TMEM116: variants seen among roughly 807,000 people sequenced by gnomAD.
TMEM116 encodes transmembrane protein 116.
Under a neutral mutation model 44.3 loss-of-function variants are expected in TMEM116, and 38 were observed. The observed-to-expected ratio is 0.86, with a 90% CI of 0.66 to 1.12. TMEM116 has a LOEUF of 1.12. Among genes scored for constraint, TMEM116 ranks in the 50% most tolerant of loss-of-function variants. The pLI is 0.00. For missense variants in TMEM116, 354 were observed against 401.7 expected (o/e 0.88, Z 1.01); for synonymous variants, 132 against 144.8 (o/e 0.91, Z 0.64).
chr12:112,008,332 T>C (rs1156381180), intron 1 of TMEM116, among the ~76,000 whole-genome samples: 1 of 151,998 alleles, frequency 6.6e-6, no homozygotes, highest in African/African-American at 2.4e-5. Flanking sequence ...AATACAAAAA[T>C]TAGCTGGGTA....
At chr12:112,009,830 AGTGACTCT>A (rs2077757164) in intron 1 of TMEM116, among the ~76,000 whole-genome samples, 1 of 151,368 alleles carries the variant, frequency 6.6e-6, no homozygotes, top group Non-Finnish European at 1.5e-5. Flanking sequence ...TGAGTGACCA[AGTGACTCT>A]GTCTCAAAAA....
At chr12:111,937,842 T>C (rs2072286181) in intron 6 of TMEM116, among the ~76,000 whole-genome samples, 1 of 152,202 alleles carries the variant, frequency 6.6e-6, no homozygotes, top group Non-Finnish European at 1.5e-5. Context: ...GATGATATCC[T>C]GAAGGCCATC....
intron 4 of TMEM116, among the ~76,000 whole-genome samples, chr12:111,984,405 G>A (rs866740788): frequency 2.6e-5 from 4 of 152,208 alleles, no homozygotes; most frequent in Middle Eastern, 6.8e-3. Context: ...GTAGGAGGAT[G>A]GTACCAGAAG....
At chr12:112,010,249 A>G (rs570553963) in intron 1 of TMEM116, among the ~76,000 whole-genome samples, 1 of 152,006 alleles carries the variant, frequency 6.6e-6, no homozygotes, top group African/African-American at 2.4e-5. Context: ...TTGTTTCACC[A>G]CCTCAGTTCA....
chr12:111,971,025 CAT>C (rs1488915559), intron 4 of TMEM116, among the ~76,000 whole-genome samples: 2 of 152,152 alleles, frequency 1.3e-5, no homozygotes, highest in African/African-American at 4.8e-5. Flanking sequence ...AGTGCAGTAA[CAT>C]GTTTAAAATA....
intron 8 of TMEM116, chr12:111,935,613 C>CAT (rs1555205750): frequency 2.5e-5 from 3 of 120,298 alleles, no homozygotes; most frequent in African/African-American, 1.0e-4. Flanking sequence ...TGAGCCATCT[C>CAT]GTGTGTGTGT....
At chr12:111,993,201 G>A (rs1211694213) in intron 3 of TMEM116, 1 of 365,816 alleles carries the variant, frequency 2.7e-6, no homozygotes, top group East Asian at 6.8e-5. Context: ...TGGCTCTCGT[G>A]GGGTCTTAGG....
At chr12:111,977,468 A>G (rs2075733592) in intron 4 of TMEM116, among the ~76,000 whole-genome samples, 1 of 152,216 alleles carries the variant, frequency 6.6e-6, no homozygotes, top group South Asian at 2.1e-4. Flanking sequence ...GTTTTATGTT[A>G]TGTGAATTTC....
chr12:112,005,108 A>G (rs2077508329), intron 2 of TMEM116, 149 bp downstream of exon 2: 1 of 520,000 alleles, frequency 1.9e-6, no homozygotes, highest in Non-Finnish European at 3.2e-6. Flanking sequence ...TTGTCACTTT[A>G]TTAGTAAGAA....
intron 4 of TMEM116, among the ~76,000 whole-genome samples, chr12:111,975,390 AAGCAGTCCTCC>A: frequency 6.6e-6 from 1 of 152,162 alleles, no homozygotes; most frequent in Non-Finnish European, 1.5e-5. Flanking sequence ...TCGTGGGCTC[AAGCAGTCCTCC>A]TGCCTCAGCC....
rs74654035 is a variant in TMEM116 at position 111,939,981 on chromosome 12, C to T, written c.316-1771G>A. Among the ~76,000 whole-genome samples, 193 of 144,166 alleles carry T rather than the reference C, an allele frequency of 1.3e-3. 2 individuals carry two copies. The East Asian group carries it at 0.021, about 16-fold the overall frequency. 94.6% of individuals were successfully genotyped at this position (144,166 alleles called of 152,430 possible). A position where few individuals can be genotyped will look rare whatever the true frequency, so the allele number is the denominator to read the frequency against. ...GACTAATAGGTAGTGGAGTTAATATCTTAGGCTATGGTTGGGCATGGTGGC... is the reference window on the plus strand; with the variant it reads ...GACTAATAGGTAGTGGAGTTAATATTTTAGGCTATGGTTGGGCATGGTGGC... On this transcript the variant is annotated intron_variant, in intron 5 of 10. Coordinates refer to ENST00000552374, the MANE Select transcript of TMEM116 (RefSeq NM_001193531.2).
chr12:112,011,040 G>T, intron 1 of TMEM116: 1 of 152,450 alleles, frequency 6.6e-6, no homozygotes. Context: ...TCTGAGATTG[G>T]AGCAGGCCCC....
intron 8 of TMEM116, chr12:111,935,692 C>T (rs2072098279): frequency 6.7e-6 from 1 of 149,322 alleles, no homozygotes; most frequent in African/African-American, 2.5e-5. Context: ...GTTGCCCAGG[C>T]TGGAGGGGCA....
chr12:111,945,343 C>CAAAAAAAAA (rs917839133), intron 4 of TMEM116, among the ~76,000 whole-genome samples: 1 of 33,814 alleles, frequency 3.0e-5, no homozygotes, highest in Admixed American at 4.1e-4. Context: ...GACTCCATCT[C>CAAAAAAAAA]AAAAAAAAAA....
Position 111,974,216 on chromosome 12 carries a change from G to C in TMEM116, c.210+17542C>G, listed in dbSNP as rs11066108. Among the ~76,000 whole-genome samples the C allele has an allele frequency of 0.056, 8,421 of 151,700 alleles. 1,292 individuals carry two copies. In the East Asian group the frequency reaches 0.61, roughly 11 times the overall value. On this transcript the variant is annotated intron_variant, in intron 4 of 10. Coordinates refer to ENST00000552374, the MANE Select transcript of TMEM116 (RefSeq NM_001193531.2). Reference sequence around the variant, plus strand: ...TTAAGGATATTTATGAAAAATCTATGGCTAGCATTACACTTAAGGTGAAAG... The same window carrying C: ...TTAAGGATATTTATGAAAAATCTATCGCTAGCATTACACTTAAGGTGAAAG...
chr12:112,010,672 A>T (rs1345829866), intron 1 of TMEM116: 2 of 152,436 alleles, frequency 1.3e-5, no homozygotes, highest in Non-Finnish European at 2.9e-5. Context: ...CAGGGAGGGT[A>T]GGTCCTTTTT....
chr12:111,966,276 A>T (rs997039730), intron 4 of TMEM116, among the ~76,000 whole-genome samples: 1 of 152,226 alleles, frequency 6.6e-6, no homozygotes, highest in African/African-American at 2.4e-5. Flanking sequence ...ACTGCACTCC[A>T]GCCTGGGCAA....
intron 4 of TMEM116, among the ~76,000 whole-genome samples, chr12:111,951,365 AC>A: frequency 6.6e-6 from 1 of 152,278 alleles, no homozygotes; most frequent in East Asian, 1.9e-4. Flanking sequence ...ACACATGCAC[AC>A]ATACGTTTGC....
intron 4 of TMEM116, among the ~76,000 whole-genome samples, chr12:111,967,536 TATG>T (rs1315209947): frequency 1.3e-5 from 2 of 152,026 alleles, no homozygotes; most frequent in Admixed American, 6.6e-5. Context: ...ATTTAAATAA[TATG>T]ATCTCTGAGG....
Sources: allele counts gnomAD v4.1 joint callset (sites outside exome capture counted in the v4.1 genomes callset), GRCh38; gene constraint gnomAD v4.1.1; transcripts MANE v1.5; gene names NCBI Gene and HGNC (gene_info 2026-07-23, HGNC 2026-07-21).